The following DNAH12 variants were observed in gnomAD, a reference collection of about 807,000 sequenced individuals.
The protein encoded by DNAH12 is dynein axonemal heavy chain 12.
A neutral mutation model predicts 371.5 loss-of-function variants in DNAH12; 285 were observed. The observed-to-expected ratio is 0.77, with a 90% CI of 0.70 to 0.85. The LOEUF (loss-of-function observed/expected upper bound fraction) is 0.85. Among genes scored for constraint, DNAH12 ranks in the 40% least tolerant of loss-of-function variants. DNAH12 has a pLI of 0.00. For synonymous variants in DNAH12, 1,200 were observed against 1,213.0 expected, an observed-to-expected ratio of 0.99 and a Z score of 0.22; for missense variants, 3,611 against 3,689.4, an observed-to-expected ratio of 0.98 and a Z score of 0.55.
chr3:57,428,687 T>A lies in DNAH12; in HGVS notation c.5199A>T (p.Gly1733=). ...AGGGTGGTATTAACCAGGCAAAAAG[T>A]CCTCTCAGAAGAGCTTGATATTCTG... ...CEPEYQALLR[G]LFAWLIPPSL... Residue 1733 remains glycine, a synonymous_variant, in exon 34 of 74, where the codon GGA becomes GGT. Coordinates refer to ENST00000495027, the MANE Select transcript of DNAH12 (RefSeq NM_001366028.2). The A allele has an allele frequency of 6.5e-7, 1 of 1,549,948 alleles. No individual in the cohort carries two copies. The highest frequency in any genetic ancestry group is 8.7e-7 in the Non-Finnish European group (1 of 1,146,626).
chr3:57,477,972 G>T (rs981767994), intron 13 of DNAH12, among the ~76,000 whole-genome samples: 5 of 152,084 alleles, frequency 3.3e-5, no homozygotes, highest in African/African-American at 1.2e-4. Flanking sequence ...CAAAGATGGG[G>T]AAAAAACAGA....
intron 2 of DNAH12, 33 bp from the exon 3 acceptor site, chr3:57,523,917 G>C: frequency 7.0e-7 from 1 of 1,431,000 alleles, no homozygotes; most frequent in Non-Finnish European, 9.7e-7. Context: ...TGACTCTCTT[G>C]ATAACATTAG....
Position 57,472,612 on chromosome 3 carries a change from T to C in DNAH12, c.1710A>G (p.Leu570=). 1 of 1,551,226 alleles carries C rather than the reference T, an allele frequency of 6.4e-7. No homozygotes were observed. Among genetic ancestry groups the C allele is most frequent in the Non-Finnish European group, 8.7e-7 (1 of 1,146,816 alleles). Residue 570 remains leucine (L), a synonymous_variant, in exon 14 of 74, where the codon TTA becomes TTG. Coordinates refer to ENST00000495027, the MANE Select transcript of DNAH12 (RefSeq NM_001366028.2). ...ACATGAGGACAGTTGCATTTAAAGC[T>C]AAGTCTTCTTGAGGAAATAGGAAAA... is the stretch of plus-strand genomic sequence containing the variant. ...LDVFLFPQED[L]ALNATVLMWP...
chr3:57,489,525 T>C lies in DNAH12; in HGVS notation c.1498A>G (p.Arg500Gly). 1.3e-6 allele frequency: 2 copies of C among 1,513,406 alleles called. No individual in the cohort carries two copies. Among genetic ancestry groups the C allele is most frequent in the Non-Finnish European group, 1.8e-6 (2 of 1,136,668 alleles). The allele number at this position is 1,513,406 out of a possible 1,614,324, so 93.7% of individuals were successfully genotyped here. The change falls in exon 12 of 74, where the codon AGA (arginine) becomes GGA (glycine). Residue 500 changes from arginine (R) to glycine (G), a missense_variant. Physicochemically the swap from Arg to Gly is moderately radical, Grantham distance 125. This residue lies in a region of DNAH12 where 1,314 missense variants were observed against 1,398.7 expected (regional missense o/e 0.94). Transcript: ENST00000495027. ...TCTACTTACCATTCATTTTCTTTTC[T>C]ATATTTTGAAGCTATGTCATTTAAT... ...ILLNDIASKY[R>G]KENECICSEF...
At chr3:57,426,981 T>C (rs1287217083) in intron 34 of DNAH12, among the ~76,000 whole-genome samples, 1 of 152,154 alleles carries the variant, frequency 6.6e-6, no homozygotes, top group African/African-American at 2.4e-5. Flanking sequence ...TTGTCTATTT[T>C]CTCTATGAAG....
At chr3:57,431,727 GTAC>G (rs1447408668) in intron 32 of DNAH12, among the ~76,000 whole-genome samples, 1 of 152,114 alleles carries the variant, frequency 6.6e-6, no homozygotes, top group Non-Finnish European at 1.5e-5. Flanking sequence ...GCAGACCTTG[GTAC>G]TACTAATGAT....
intron 59 of DNAH12, among the ~76,000 whole-genome samples, chr3:57,355,579 A>C (rs2062779836): frequency 1.3e-5 from 2 of 152,112 alleles, no homozygotes; most frequent in African/African-American, 4.8e-5. Context: ...GTCATATGGC[A>C]AATCTAGGTT....
chr3:57,296,390 A>G lies in DNAH12; in HGVS notation c.11578T>C (p.Tyr3860His), dbSNP rs1227527104. ...CCATCGAGATACAGTCCGTGGATATAAACACCATCTTCTGGTGATGTGTCA... is the reference window on the plus strand; with the variant it reads ...CCATCGAGATACAGTCCGTGGATATGAACACCATCTTCTGGTGATGTGTCA... ...TSDTSPEDGVYIHGLYLDGAR... is the reference protein window; with the variant it reads ...TSDTSPEDGVHIHGLYLDGAR... Residue 3860 changes from tyrosine to histidine, a missense_variant, in exon 72 of 74, where the codon TAT (tyrosine) becomes CAT (histidine). Transcript: ENST00000495027. The G allele has an allele frequency of 6.4e-7, 1 of 1,551,168 alleles. No homozygotes were observed.
In DNAH12 at chr3:57,446,614, C is replaced by T; in HGVS notation, c.3862G>A (p.Asp1288Asn). 1 of 1,550,302 alleles carries T rather than the reference C, an allele frequency of 6.5e-7. No homozygotes were observed. Among genetic ancestry groups the T allele is most frequent in the South Asian group, 1.2e-5 (1 of 83,752 alleles). ...TGTACAGCAAGAGCTTTAGCCAAGTCCTTGGTGGTTTCGGTTTTTCCTGTG... is the reference window on the plus strand; with the variant it reads ...TGTACAGCAAGAGCTTTAGCCAAGTTCTTGGTGGTTTCGGTTTTTCCTGTG... ...AGTGKTETTK[D>N]LAKALAVQCV... The change falls in exon 26 of 74, where the codon GAC (aspartate) becomes AAC (asparagine). Residue 1288 changes from aspartate to asparagine, a missense_variant. Asp to Asn is a conservative substitution (Grantham distance 23). Around this residue, in one of 3 missense-constraint regions of DNAH12, gnomAD observed 2,266 missense variants for 2,236.9 expected, o/e 1.01. Transcript: ENST00000495027.
chr3:57,532,129 G>A (rs6790052), intron 2 of DNAH12, among the ~76,000 whole-genome samples: 4,182 of 152,054 alleles, frequency 0.028, 178 homozygotes, highest in African/African-American at 0.094. Flanking sequence ...TTAAAAGAAC[G>A]CTGATCCATT....
At chr3:57,512,252 C>G (rs1255427562) in intron 4 of DNAH12, among the ~76,000 whole-genome samples, 1 of 152,052 alleles carries the variant, frequency 6.6e-6, no homozygotes, top group Non-Finnish European at 1.5e-5. Context: ...CACAAGAAAA[C>G]AAGTATTGCA....
chr3:57,473,059 T>A (rs963838399), intron 13 of DNAH12, among the ~76,000 whole-genome samples: 1 of 152,116 alleles, frequency 6.6e-6, no homozygotes. Context: ...TTTTTGAATC[T>A]TTGATGACAA....
At chr3:57,311,948 G>A (rs1369535027) in intron 66 of DNAH12, among the ~76,000 whole-genome samples, 1 of 152,082 alleles carries the variant, frequency 6.6e-6, no homozygotes, top group Non-Finnish European at 1.5e-5. Flanking sequence ...CAATAACTCT[G>A]CAGAGTAGGA....
At chr3:57,527,276 T>A (rs1013861708) in intron 2 of DNAH12, among the ~76,000 whole-genome samples, 2 of 152,168 alleles carry the variant, frequency 1.3e-5, no homozygotes, top group African/African-American at 4.8e-5. Flanking sequence ...GCAGGAGGAT[T>A]GCTTGAGCCC....
chr3:57,520,667 T>G (rs764208541), intron 4 of DNAH12, among the ~76,000 whole-genome samples: 1 of 151,598 alleles, frequency 6.6e-6, no homozygotes, highest in African/African-American at 2.4e-5. Context: ...GGTCTCGATC[T>G]CCTGAGCTCA....
the DNAH12 span, among the ~76,000 whole-genome samples, chr3:57,554,861 C>A: frequency 6.6e-6 from 1 of 152,128 alleles, no homozygotes; most frequent in African/African-American, 2.4e-5. Context: ...AGGCGATCCA[C>A]CCGCCTCAGC....
At chr3:57,503,621 T>G (rs1480592790) in intron 9 of DNAH12, among the ~76,000 whole-genome samples, 3 of 152,010 alleles carry the variant, frequency 2.0e-5, no homozygotes, top group Admixed American at 1.3e-4. Context: ...TCTCCTGACC[T>G]TGTGTTCCGC....
intron 73 of DNAH12, 81 bp from the exon 74 acceptor site, chr3:57,294,052 T>TA (rs2061178152): frequency 8.1e-7 from 1 of 1,227,286 alleles, no homozygotes; most frequent in African/African-American, 1.5e-5. Flanking sequence ...TATCTTGTAA[T>TA]AAAATGGCCA....
chr3:57,301,146 G>A (rs1031787381), intron 70 of DNAH12, among the ~76,000 whole-genome samples: 4 of 151,510 alleles, frequency 2.6e-5, no homozygotes, highest in Admixed American at 6.6e-5. Context: ...AATTAGCCAC[G>A]TATGGTGGCA....
Sources: allele counts gnomAD v4.1 joint callset (sites outside exome capture counted in the v4.1 genomes callset), GRCh38; gene constraint gnomAD v4.1.1; regional missense constraint gnomAD v4.1.1; transcripts MANE v1.5; gene names NCBI Gene and HGNC (gene_info 2026-07-23, HGNC 2026-07-21).